Variants in DLG2 observed in about 807,000 individuals in gnomAD.
DLG2 encodes the protein disks large homolog 2.
DLG2 carries 45 observed loss-of-function variants against 132.5 expected under a neutral mutation model. That is an observed-to-expected ratio of 0.34 (90% CI 0.27 to 0.44). The LOEUF (loss-of-function observed/expected upper bound fraction) is 0.44, where lower values mean the gene tolerates loss of function less well. Ranked by LOEUF, DLG2 falls within the 20% of genes least tolerant of loss-of-function variation. The pLI, the probability that DLG2 is intolerant of heterozygous loss-of-function variation, is 1.00. For synonymous variants in DLG2, 424 were observed against 419.6 expected, an observed-to-expected ratio of 1.01 and a Z score of -0.13; for missense variants, 1,045 against 1,196.9, an observed-to-expected ratio of 0.87 and a Z score of 1.87.
At chr11:83,521,833 G>A (rs532167738) in intron 21 of DLG2, among the ~76,000 whole-genome samples, 59 of 151,942 alleles carry the variant, frequency 3.9e-4, no homozygotes, top group Admixed American at 1.8e-3. Flanking sequence ...TCATCCCACC[G>A]TCCTTCCCTA....
At chr11:84,316,297 T>C (rs1457167663) in intron 7 of DLG2, among the ~76,000 whole-genome samples, 2 of 152,208 alleles carry the variant, frequency 1.3e-5, no homozygotes, top group African/African-American at 4.8e-5. Context: ...TCCTTTTCTT[T>C]GTAAAATTAA....
intron 18 of DLG2, among the ~76,000 whole-genome samples, chr11:83,678,534 C>A (rs34839973): frequency 0.047 from 7,181 of 152,226 alleles, 209 homozygotes; most frequent in Middle Eastern, 0.092. Context: ...CTATTTCCTA[C>A]CCTCATGCAA....
intron 5 of DLG2, among the ~76,000 whole-genome samples, chr11:85,127,489 C>G (rs2075269448): frequency 6.6e-6 from 1 of 152,158 alleles, no homozygotes; most frequent in African/African-American, 2.4e-5. Flanking sequence ...TCTTATCAGA[C>G]ATCACTGCTA....
In DLG2 at chr11:83,833,607, T is replaced by A; in HGVS notation, c.1722+7A>T. 6.2e-7 allele frequency: 1 copy of A among 1,609,896 alleles called. No homozygotes were observed. Among genetic ancestry groups the A allele is most frequent in the East Asian group, 2.2e-5 (1 of 44,858 alleles). On this transcript the variant is annotated splice_region_variant and intron_variant, in intron 17 of 27. Transcript: ENST00000376104. ...GGAGGGAATAAAGATTAAAGAAACATACTCACCGATAGGATCTGGTCTCCT... is the reference window on the plus strand; with the variant it reads ...GGAGGGAATAAAGATTAAAGAAACAAACTCACCGATAGGATCTGGTCTCCT...
At chr11:83,486,163 A>ATGAT (rs144203408) in intron 21 of DLG2, 139,488 of 638,904 alleles carry the variant, frequency 0.22, 16,873 homozygotes, top group Non-Finnish European at 0.25. Flanking sequence ...CTAGTTAAAA[A>ATGAT]TGATAGTCCT....
intron 14 of DLG2, among the ~76,000 whole-genome samples, chr11:83,947,317 C>A (rs946368309): frequency 6.6e-6 from 1 of 151,876 alleles, no homozygotes; most frequent in African/African-American, 2.4e-5. Flanking sequence ...TACAATTAGG[C>A]CTGGTTTTTG....
At chr11:84,714,649 C>CTCTT (rs2060988763) in intron 6 of DLG2, among the ~76,000 whole-genome samples, 1 of 136,006 alleles carries the variant, frequency 7.4e-6, no homozygotes, top group African/African-American at 2.8e-5. Context: ...CTCTCTCTTT[C>CTCTT]TCTCTCTCTC....
At chr11:83,511,656 T>A (rs908567632) in intron 21 of DLG2, among the ~76,000 whole-genome samples, 14 of 151,554 alleles carry the variant, frequency 9.2e-5, no homozygotes, top group African/African-American at 3.4e-4. Flanking sequence ...AGCCCTCCAA[T>A]AGCAAAAAGT....
intron 17 of DLG2, among the ~76,000 whole-genome samples, chr11:83,824,312 AC>A (rs1300423527): frequency 6.6e-6 from 1 of 152,014 alleles, no homozygotes; most frequent in African/African-American, 2.4e-5. Context: ...CCTGGAACTT[AC>A]CGTTAGCATT....
intron 17 of DLG2, among the ~76,000 whole-genome samples, chr11:83,792,515 C>T (rs771445818): frequency 2.0e-5 from 3 of 152,058 alleles, no homozygotes; most frequent in Non-Finnish European, 4.4e-5. Context: ...TGAATGGTTT[C>T]TTGTATATAC....
intron 21 of DLG2, among the ~76,000 whole-genome samples, chr11:83,517,370 G>A (rs536667309): frequency 6.6e-5 from 10 of 152,248 alleles, no homozygotes; most frequent in Non-Finnish European, 1.0e-4. Flanking sequence ...TTTCAGCTCC[G>A]TCAGGTCCTT....
At chr11:83,566,712 G>GGTGTGT (rs59829516) in intron 19 of DLG2, among the ~76,000 whole-genome samples, 2,721 of 144,000 alleles carry the variant, frequency 0.019, 38 homozygotes, top group Middle Eastern at 0.043. Flanking sequence ...CAGAGGGCAT[G>GGTGTGT]GTGTGTGTGT....
chr11:84,074,863 A>G (rs2096805633), intron 10 of DLG2, among the ~76,000 whole-genome samples: 2 of 152,060 alleles, frequency 1.3e-5, no homozygotes, highest in African/African-American at 4.8e-5. Context: ...ATCAGATAAT[A>G]TCAATCATCC....
intron 3 of DLG2, among the ~76,000 whole-genome samples, chr11:85,472,722 C>T (rs2093024627): frequency 6.6e-6 from 1 of 152,222 alleles, no homozygotes; most frequent in Non-Finnish European, 1.5e-5. Flanking sequence ...GCCAAAGGAG[C>T]CGCTGTAACA....
intron 19 of DLG2, among the ~76,000 whole-genome samples, chr11:83,572,035 A>G (rs1291334509): frequency 1.3e-5 from 2 of 152,132 alleles, no homozygotes; most frequent in Non-Finnish European, 2.9e-5. Flanking sequence ...CAAAGCATAT[A>G]TACTAAAAGA....
intron 3 of DLG2, among the ~76,000 whole-genome samples, chr11:85,460,089 A>T (rs286513): frequency 6.6e-6 from 1 of 152,156 alleles, no homozygotes; most frequent in East Asian, 1.9e-4. Flanking sequence ...GCCCAAGAGC[A>T]CAGACAGGGG....
intron 6 of DLG2, among the ~76,000 whole-genome samples, chr11:85,027,762 G>A (rs1423928597): frequency 6.6e-6 from 1 of 152,232 alleles, no homozygotes; most frequent in Non-Finnish European, 1.5e-5. Context: ...GTGGCACTGG[G>A]AAGCTTGGAG....
intron 17 of DLG2, chr11:83,791,659 C>T (rs548209718): frequency 3.1e-6 from 1 of 322,658 alleles, no homozygotes; most frequent in Non-Finnish European, 5.8e-6. Flanking sequence ...GTCAGCCGGG[C>T]GCGGTGGCTC....
intron 7 of DLG2, among the ~76,000 whole-genome samples, chr11:84,291,469 T>C (rs1430436830): frequency 2.6e-5 from 4 of 152,150 alleles, no homozygotes; most frequent in African/African-American, 4.8e-5. Context: ...ATTGAAAACA[T>C]GAAAAAGTCA....
Sources: gnomAD v4.1 joint callset for allele counts (sites outside exome capture counted in the v4.1 genomes callset) on GRCh38, gnomAD v4.1.1 for gene constraint, MANE v1.5 for transcripts, NCBI Gene and HGNC (gene_info 2026-07-23, HGNC 2026-07-21) for gene names.